CNTN5: variants seen among roughly 807,000 people sequenced by gnomAD.
CNTN5 encodes the protein contactin-5.
Under a neutral mutation model 129.1 loss-of-function variants are expected in CNTN5, and 77 were observed. The ratio of observed to expected loss-of-function variants is 0.60; its 90% CI spans 0.50 to 0.72. The LOEUF is 0.72. CNTN5 is among the 30% of genes least tolerant of loss of function. CNTN5 has a pLI of 0.00. For synonymous variants in CNTN5, 509 were observed against 465.6 expected, an observed-to-expected ratio of 1.09 and a Z score of -1.20; for missense variants, 1,478 against 1,328.8, an observed-to-expected ratio of 1.11 and a Z score of -1.75.
intron 17 of CNTN5, among the ~76,000 whole-genome samples, chr11:100,264,796 A>G (rs551287804): frequency 2.8e-4 from 43 of 152,242 alleles, no homozygotes; most frequent in African/African-American, 9.6e-4. Context: ...TAGATCCTTG[A>G]GAAATCACCA....
rs571811238 is a variant in CNTN5, at chr11:99,662,475, CGTAACAAT to C, written c.55+106208_55+106215del. ...GTAGTATACAGAAATACATTTAAAA[CGTAACAAT>C]GGTTATCAATTTCTGAAGTGATGAT... On this transcript the variant is annotated intron_variant, in intron 3 of 24. Coordinates refer to ENST00000524871, the MANE Select transcript of CNTN5 (RefSeq NM_014361.4). Among the ~76,000 whole-genome samples, 340 of 152,210 alleles carry C rather than the reference CGTAACAAT, an allele frequency of 2.2e-3. 1 individual carries two copies. Among genetic ancestry groups the C allele is most frequent in the African/African-American group, 7.8e-3 (323 of 41,540 alleles).
At chr11:99,598,386 C>G (rs1950207934) in intron 3 of CNTN5, among the ~76,000 whole-genome samples, 5 of 119,970 alleles carry the variant, frequency 4.2e-5, no homozygotes, top group Non-Finnish European at 7.0e-5. Flanking sequence ...CTCTCTCTCT[C>G]TGTCTCCTTC....
chr11:99,114,025 T>A (rs986079160), intron 1 of CNTN5, among the ~76,000 whole-genome samples: 1 of 152,180 alleles, frequency 6.6e-6, no homozygotes, highest in African/African-American at 2.4e-5. Flanking sequence ...GTATTTTTAA[T>A]GTTTATGTTA....
At chr11:99,143,502 G>A (rs1859632063) in intron 1 of CNTN5, among the ~76,000 whole-genome samples, 1 of 148,204 alleles carries the variant, frequency 6.7e-6, no homozygotes, top group South Asian at 2.1e-4. Flanking sequence ...TTTTGTATAT[G>A]ACAATGGGAT....
At chr11:99,422,352 T>C (rs2135059280) in intron 2 of CNTN5, among the ~76,000 whole-genome samples, 1 of 151,636 alleles carries the variant, frequency 6.6e-6, no homozygotes, top group African/African-American at 2.4e-5. Flanking sequence ...GACAACTCAC[T>C]CTCTAATTTA....
chr11:100,294,156 C>T (rs1488687403), intron 18 of CNTN5, among the ~76,000 whole-genome samples: 1 of 151,454 alleles, frequency 6.6e-6, no homozygotes, highest in Admixed American at 6.6e-5. Flanking sequence ...GGGGTAAGCG[C>T]TTACTGTAAT....
chr11:99,195,722 A>G (rs138670949), intron 1 of CNTN5, among the ~76,000 whole-genome samples: 56 of 152,204 alleles, frequency 3.7e-4, no homozygotes, highest in African/African-American at 1.3e-3. Context: ...TTACAAATGG[A>G]CTAAAATATG....
chr11:100,128,819 C>G (rs191783059), intron 13 of CNTN5, among the ~76,000 whole-genome samples: 8 of 152,112 alleles, frequency 5.3e-5, no homozygotes, highest in South Asian at 2.1e-4. Flanking sequence ...ATGCCACCCC[C>G]CTAAGCCAAC....
chr11:99,784,391 C>T (rs1945434472), intron 3 of CNTN5, among the ~76,000 whole-genome samples: 1 of 151,874 alleles, frequency 6.6e-6, no homozygotes, highest in Non-Finnish European at 1.5e-5. Flanking sequence ...TGAGTGAGAA[C>T]ATGCGGTGTT....
chr11:99,831,032 A>G (rs1382084356), intron 4 of CNTN5, among the ~76,000 whole-genome samples: 2 of 152,182 alleles, frequency 1.3e-5, no homozygotes, highest in Admixed American at 6.6e-5. Flanking sequence ...GAAAGGAGAA[A>G]GAATAATGTC....
At chr11:99,757,932 AT>A in intron 3 of CNTN5, among the ~76,000 whole-genome samples, 1 of 152,050 alleles carries the variant, frequency 6.6e-6, no homozygotes, top group Non-Finnish European at 1.5e-5. Context: ...AACTGTTATT[AT>A]TTTATGATTA....
intron 1 of CNTN5, among the ~76,000 whole-genome samples, chr11:99,146,725 CTT>C (rs1859802085): frequency 6.6e-6 from 1 of 151,898 alleles, no homozygotes; most frequent in Admixed American, 6.6e-5. Flanking sequence ...AAAGAATACA[CTT>C]TTTATTTTTT....
rs199988856 is a variant in CNTN5, at chr11:99,260,057, T to G, written c.-209-65289T>G. ...AAGCGAAAATATTGTCCCTATATAT[T>G]GTTTTCTTATAGAATTCATTGTTCA... On this transcript the variant is annotated intron_variant, in intron 1 of 24. Transcript: ENST00000524871. 1.9e-4 allele frequency among the ~76,000 whole-genome samples: 29 copies of G among 151,884 alleles called. No individual in the cohort carries two copies. The East Asian group carries it at 5.4e-3, about 28-fold the overall frequency.
chr11:99,602,682 G>C (rs928446952), intron 3 of CNTN5, among the ~76,000 whole-genome samples: 1 of 152,004 alleles, frequency 6.6e-6, no homozygotes, highest in Non-Finnish European at 1.5e-5. Context: ...AAAAATCACA[G>C]TGTTGAAGTG....
chr11:99,784,207 C>G (rs971051875), intron 3 of CNTN5, among the ~76,000 whole-genome samples: 1 of 151,998 alleles, frequency 6.6e-6, no homozygotes, highest in Non-Finnish European at 1.5e-5. Context: ...AGGTTTGTTA[C>G]TTAGGTATAC....
At chr11:100,307,183 G>A (rs191008472) in intron 20 of CNTN5, among the ~76,000 whole-genome samples, 7 of 151,348 alleles carry the variant, frequency 4.6e-5, no homozygotes, top group Admixed American at 1.3e-4. Flanking sequence ...TTCAATGTTC[G>A]CCTCTTAACA....
chr11:99,807,456 A>G (rs1591222624), intron 3 of CNTN5, among the ~76,000 whole-genome samples: 1 of 152,228 alleles, frequency 6.6e-6, no homozygotes, highest in Admixed American at 6.5e-5. Flanking sequence ...ATTGAAATAT[A>G]TAATTAATTA....
chr11:99,820,541 C>T (rs1485801767), intron 4 of CNTN5, among the ~76,000 whole-genome samples: 1 of 152,296 alleles, frequency 6.6e-6, no homozygotes, highest in East Asian at 1.9e-4. Context: ...CTACCTTTGT[C>T]ATTTTTGGAT....
intron 9 of CNTN5, chr11:100,003,919 A>T (rs1940035761): frequency 1.3e-5 from 2 of 152,200 alleles, no homozygotes; most frequent in Non-Finnish European, 2.9e-5. Context: ...TCTTATGAAG[A>T]TGTCTACCCT....
Sources: gnomAD v4.1 joint callset for allele counts (sites outside exome capture counted in the v4.1 genomes callset) on GRCh38, gnomAD v4.1.1 for gene constraint, MANE v1.5 for transcripts, NCBI Gene and HGNC (gene_info 2026-07-23, HGNC 2026-07-21) for gene names.